TJP3: variants seen among roughly 807,000 people sequenced by gnomAD.
TJP3 encodes the protein tight junction protein 3, also known as tight junction protein ZO-3.
Under a neutral mutation model 104.2 loss-of-function variants are expected in TJP3, and 85 were observed. The ratio of observed to expected loss-of-function variants is 0.82; its 90% CI spans 0.68 to 0.98. The LOEUF (loss-of-function observed/expected upper bound fraction) is 0.98, where lower values mean the gene tolerates loss of function less well. Ranked by LOEUF, TJP3 falls within the 50% of genes least tolerant of loss-of-function variation. The pLI, the probability that TJP3 is intolerant of heterozygous loss-of-function variation, is 0.00. For missense variants in TJP3, 1,367 were observed against 1,322.8 expected (o/e 1.03, Z -0.52); for synonymous variants, 550 against 550.6 (o/e 1.00, Z 0.02).
Position 3,746,772 on chromosome 19 carries a change from G to T in TJP3, c.2222-4G>T. Reference sequence around the variant, plus strand: ...CTGCACACACTGACGTCCCCTCCCTGCAGCCACCATCCCTCTGAATGGCAC... The same window carrying T: ...CTGCACACACTGACGTCCCCTCCCTTCAGCCACCATCCCTCTGAATGGCAC... On this transcript the variant is annotated splice_region_variant and splice_polypyrimidine_tract_variant and intron_variant, in intron 17 of 20. Transcript: ENST00000541714. This position sits in a 1 kb window ranked among gnomAD's most constrained non-coding sequence, Gnocchi z 4.1. The T allele has an allele frequency of 1.2e-6, 2 of 1,606,692 alleles. No individual in the cohort carries two copies. The highest frequency in any genetic ancestry group is 2.2e-5 in the South Asian group (2 of 89,640).
In TJP3 at chr19:3,734,402, G is replaced by T. The variant is rs200603772; in HGVS notation, c.953G>T (p.Arg318Leu). 13 of 1,612,178 alleles carry T rather than the reference G, an allele frequency of 8.1e-6. No homozygotes were observed. In the East Asian group the frequency reaches 2.7e-4, roughly 33 times the overall value. Residue 318 changes from arginine to leucine, a missense_variant, in exon 8 of 21, where the codon CGG becomes CTG. Transcript: ENST00000541714. The part of the protein sequence containing the change: ...HIPPPPRHAQ[R>L]SPEASQTDSP... ...CCACCACCACCCCGGCATGCTCAGCGGAGCCCCGAGGCCAGCCAGACCGAC... is the reference window on the plus strand; with the variant it reads ...CCACCACCACCCCGGCATGCTCAGCTGAGCCCCGAGGCCAGCCAGACCGAC...
chr19:3,734,358 G>A lies in TJP3; in HGVS notation c.909G>A (p.Gln303=), dbSNP rs1264947474. ...CGGACCTCGCCTCGGAGCTATCGCA[G>A]GCACCACCATCCCACATCCCACCAC... is the stretch of plus-strand genomic sequence containing the variant. ...DISDLASELS[Q]APPSHIPPPP... The change falls in exon 8 of 21, where the codon CAG becomes CAA. Residue 303 remains glutamine (Q), a synonymous_variant. Coordinates refer to ENST00000541714, the MANE Select transcript of TJP3 (RefSeq NM_001267560.2). 3 of 1,613,748 alleles carry A rather than the reference G, an allele frequency of 1.9e-6. No homozygotes were observed. Among genetic ancestry groups the A allele is most frequent in the Non-Finnish European group, 2.5e-6 (3 of 1,180,012 alleles).
intron 1 of TJP3, among the ~76,000 whole-genome samples, chr19:3,714,470 G>A (rs574081853): frequency 2.0e-5 from 3 of 151,436 alleles, no homozygotes; most frequent in South Asian, 2.1e-4. Flanking sequence ...GAGCCACCGC[G>A]CCCAGCCCGT....
rs556863518 is a variant in TJP3, at chr19:3,747,874, C to T, written c.2403C>T (p.Ser801=). 6.2e-7 allele frequency: 1 copy of T among 1,612,862 alleles called. No homozygotes were observed. The highest frequency in any genetic ancestry group is 1.3e-5 in the African/African-American group (1 of 75,046). ...ADSSADLSCD[S]RVNSDYETDG... ...GCTCCGCTGACCTCAGCTGCGACAG[C>T]CGCGTTAACAGCGACTACGAGACGG... The change falls in exon 19 of 21, where the codon AGC becomes AGT. Residue 801 remains serine (S), a synonymous_variant. Coordinates refer to ENST00000541714, the MANE Select transcript of TJP3 (RefSeq NM_001267560.2).
At chr19:3,724,890 A>G (rs2036581751) in intron 1 of TJP3, among the ~76,000 whole-genome samples, 1 of 152,210 alleles carries the variant, frequency 6.6e-6, no homozygotes, top group African/African-American at 2.4e-5. Context: ...TTAAAAAAAA[A>G]AAAGATGCAG....
intron 14 of TJP3, 27 bp from the exon 15 acceptor site, chr19:3,743,912 T>G: frequency 6.2e-7 from 1 of 1,610,472 alleles, no homozygotes; most frequent in Middle Eastern, 1.7e-4. Context: ...GGGACCCTGA[T>G]TCTTTCACTG....
intron 1 of TJP3, among the ~76,000 whole-genome samples, chr19:3,715,419 C>T (rs1354826936): frequency 4.6e-5 from 7 of 151,996 alleles, no homozygotes; most frequent in Non-Finnish European, 5.9e-5. Context: ...TTAAGGTGAT[C>T]CGAAGGTCAG....
At position 3,730,843 on chromosome 19, in the gene TJP3, G is replaced by C. The variant is rs367740344; in HGVS notation, c.613+137G>C. ...CTCCAGGCGCCCGCCACCATGCCTG[G>C]CTAATTTTTGTACTTTTGGTAGAGA... On this transcript the variant is annotated intron_variant, in intron 5 of 20. Transcript: ENST00000541714. This position sits in a 1 kb window ranked among gnomAD's most constrained non-coding sequence, Gnocchi z 7.3. 3.2e-5 allele frequency: 29 copies of C among 915,650 alleles called. 1 individual carries two copies. In the African/African-American group the frequency reaches 3.4e-4, roughly 11 times the overall value. The allele number at this position is 915,650 out of a possible 1,614,324, so 56.7% of individuals were successfully genotyped here.
chr19:3,747,991 A>C lies in TJP3; in HGVS notation c.2520A>C (p.Pro840=), dbSNP rs777812842. The change falls in exon 19 of 21, where the codon CCA becomes CCC. Residue 840 remains proline, a synonymous_variant. Coordinates refer to ENST00000541714, the MANE Select transcript of TJP3 (RefSeq NM_001267560.2). ...ATGTGGATGATGAGCCCCCGGCTCC[A>C]GCCCTGGCCCGGTCCTCGGAGCCCG... ...YTDVDDEPPA[P]ALARSSEPVQ... The C allele has an allele frequency of 3.7e-6, 6 of 1,611,612 alleles. No homozygotes were observed. Among genetic ancestry groups the C allele is most frequent in the Non-Finnish European group, 5.1e-6 (6 of 1,179,372 alleles).
chr19:3,746,921 C>A lies in TJP3; in HGVS notation c.2322+45C>A, dbSNP rs145356635. The A allele has an allele frequency of 6.5e-7, 1 of 1,536,124 alleles. No homozygotes were observed. Among genetic ancestry groups the A allele is most frequent in the Non-Finnish European group, 8.8e-7 (1 of 1,131,444 alleles). ...GGGTCGGGCAGGGAGGCCCCACAGA[C>A]GCTGTGCAGGCCCAGCTGGGGTTTG... is the stretch of plus-strand genomic sequence containing the variant. On this transcript the variant is annotated intron_variant, in intron 18 of 20. Transcript: ENST00000541714. The surrounding 1 kb of genome is among the most constrained non-coding windows in gnomAD (Gnocchi z 4.1).
chr19:3,716,480 C>T (rs1243837457), intron 1 of TJP3, among the ~76,000 whole-genome samples: 1 of 148,206 alleles, frequency 6.7e-6, no homozygotes, highest in Non-Finnish European at 1.5e-5. Flanking sequence ...GCAGCCAAAT[C>T]CCTCAGGCCA....
Position 3,734,451 on chromosome 19 carries a change from C to G in TJP3, c.986+16C>G. The G allele has an allele frequency of 6.3e-7, 1 of 1,589,212 alleles. No individual in the cohort carries two copies. Among genetic ancestry groups the G allele is most frequent in the Non-Finnish European group, 8.6e-7 (1 of 1,169,168 alleles). On this transcript the variant is annotated intron_variant, in intron 8 of 20. Transcript: ENST00000541714. ...ACTCTCCCGTGTAAGTATCACCCAT[C>G]GGCCAGAATGGTGATAGGGAGGGAG...
At chr19:3,724,473 G>T (rs1454118049) in intron 1 of TJP3, among the ~76,000 whole-genome samples, 4 of 152,208 alleles carry the variant, frequency 2.6e-5, no homozygotes, top group Non-Finnish European at 5.9e-5. Context: ...GGGATTACAG[G>T]CATGAGCCAC....
intron 1 of TJP3, chr19:3,721,627 C>T: frequency 3.3e-6 from 1 of 301,766 alleles, no homozygotes; most frequent in Non-Finnish European, 6.1e-6. Context: ...GCCTCAGGAC[C>T]TGGCTCCTGT....
At chr19:3,735,747 A>G in intron 9 of TJP3, 108 bp downstream of exon 9, 1 of 1,583,960 alleles carries the variant, frequency 6.3e-7, no homozygotes, top group South Asian at 1.1e-5. Context: ...GTGGTGAGAC[A>G]TGGTTTCCTG....
At chr19:3,711,736 CA>C (rs1450285054) in intron 1 of TJP3, among the ~76,000 whole-genome samples, 727 of 24,648 alleles carry the variant, frequency 0.029, 13 homozygotes, top group African/African-American at 0.078. Flanking sequence ...ACTAAAAGTA[CA>C]AAAAAAAAAA....
chr19:3,726,757 G>T (rs1472690665), intron 1 of TJP3, among the ~76,000 whole-genome samples: 1 of 152,036 alleles, frequency 6.6e-6, no homozygotes, highest in East Asian at 1.9e-4. Flanking sequence ...CAGTTACTCA[G>T]GAGGCTGGGG....
At chr19:3,728,326 C>T (rs758683550) in intron 1 of TJP3, 98 bp from the exon 2 acceptor site, 1 of 1,588,414 alleles carries the variant, frequency 6.3e-7, no homozygotes, top group East Asian at 2.3e-5. Context: ...AAACACAGGC[C>T]TGTCAGAGCT....
intron 13 of TJP3, among the ~76,000 whole-genome samples, chr19:3,740,192 G>A (rs552925442): frequency 3.3e-5 from 5 of 151,738 alleles, no homozygotes; most frequent in East Asian, 1.9e-4. Context: ...AGATTGCACC[G>A]CTGCACTCCA....
Sources: gnomAD v4.1 joint callset for allele counts (sites outside exome capture counted in the v4.1 genomes callset) on GRCh38, gnomAD v4.1.1 for gene constraint, Gnocchi (gnomAD v3.1) non-coding constraint, MANE v1.5 for transcripts, NCBI Gene and HGNC (gene_info 2026-07-23, HGNC 2026-07-21) for gene names.